The following PUM1 variants were observed in gnomAD, a reference collection of about 807,000 sequenced individuals.
PUM1 encodes the protein pumilio homolog 1.
A neutral mutation model predicts 131.8 loss-of-function variants in PUM1; 13 were observed. The ratio of observed to expected loss-of-function variants is 0.10; its 90% CI spans 0.06 to 0.16. The LOEUF (loss-of-function observed/expected upper bound fraction) is 0.16, where lower values mean the gene tolerates loss of function less well. Among genes scored for constraint, PUM1 ranks in the 10% least tolerant of loss-of-function variants. PUM1 has a pLI of 1.00. For missense variants in PUM1, 961 were observed against 1,512.4 expected (o/e 0.64, Z 6.05); for synonymous variants, 509 against 556.5 (o/e 0.91, Z 1.20).
intron 10 of PUM1, among the ~76,000 whole-genome samples, chr1:30,970,057 A>T (rs1640811737): frequency 6.6e-6 from 1 of 152,218 alleles, no homozygotes; most frequent in Admixed American, 6.5e-5. Flanking sequence ...CACAAGATCT[A>T]CACACTCCAG....
At chr1:31,008,330 C>G (rs1476682787) in intron 3 of PUM1, among the ~76,000 whole-genome samples, 1 of 151,718 alleles carries the variant, frequency 6.6e-6, no homozygotes, top group Non-Finnish European at 1.5e-5. Context: ...CTGCCTGGAC[C>G]AAAGCAGTTT....
chr1:30,941,429 GTTC>G (rs1028356462), intron 19 of PUM1, among the ~76,000 whole-genome samples, 157 bp from the exon 20 acceptor site: 10 of 152,208 alleles, frequency 6.6e-5, no homozygotes, highest in African/African-American at 2.4e-4. Context: ...AGGTAGTAAC[GTTC>G]TTCTCTATTA....
chr1:30,959,742 CA>C (rs1040309721), intron 14 of PUM1, among the ~76,000 whole-genome samples: 57 of 151,718 alleles, frequency 3.8e-4, no homozygotes, highest in Non-Finnish European at 7.5e-4. Context: ...CCCATCTCTA[CA>C]AAAAATACAA....
chr1:30,938,832 T>C (rs912428007), intron 20 of PUM1, among the ~76,000 whole-genome samples: 7 of 151,932 alleles, frequency 4.6e-5, no homozygotes, highest in Non-Finnish European at 8.8e-5. Flanking sequence ...GCCACCGTAC[T>C]CCAGCCTGGG....
At chr1:30,935,174 G>A (rs1376408525) in intron 21 of PUM1, among the ~76,000 whole-genome samples, 1 of 152,150 alleles carries the variant, frequency 6.6e-6, no homozygotes, top group African/African-American at 2.4e-5. Context: ...ACAATTATTT[G>A]AAATATACGT....
rs546504204 is a variant in PUM1, at chr1:30,980,237, C to T, written c.1253-74G>A. 2,003 of 1,141,416 alleles carry T rather than the reference C, an allele frequency of 1.8e-3. 7 individuals carry two copies. Among genetic ancestry groups the T allele is most frequent in the Non-Finnish European group, 1.8e-3 (1,359 of 767,148 alleles). The allele number at this position is 1,141,416 out of a possible 1,614,324, so 70.7% of individuals were successfully genotyped here. A position where few individuals can be genotyped will look rare whatever the true frequency, so the allele number is the denominator to read the frequency against. ...GCCCTATCAAATACCTACACAGTTT[C>T]GCTATTCACTCCAGACAGTAGATAA... is the stretch of plus-strand genomic sequence containing the variant. On this transcript the variant is annotated intron_variant, in intron 8 of 21. Coordinates refer to ENST00000426105, the MANE Select transcript of PUM1 (RefSeq NM_001020658.2).
intron 14 of PUM1, 70 bp downstream of exon 14, chr1:30,964,604 A>G: frequency 1.5e-6 from 2 of 1,375,276 alleles, no homozygotes; most frequent in South Asian, 1.2e-5. Context: ...GCTTATGCAA[A>G]GTTCTTGTAA....
At chr1:31,037,706 C>CA (rs940872678) in intron 2 of PUM1, among the ~76,000 whole-genome samples, 4 of 150,856 alleles carry the variant, frequency 2.7e-5, no homozygotes, top group Admixed American at 2.6e-4. Flanking sequence ...GATTCAGTCT[C>CA]AAAAAAAGAA....
intron 7 of PUM1, among the ~76,000 whole-genome samples, chr1:30,987,195 A>AT (rs35752234): frequency 0.2 from 28,153 of 140,874 alleles, 3,111 homozygotes; most frequent in East Asian, 0.51. Flanking sequence ...CTAGTAACAA[A>AT]TTTTTTTTTT....
At chr1:31,033,057 G>GA (rs201722845) in intron 2 of PUM1, among the ~76,000 whole-genome samples, 22,162 of 143,604 alleles carry the variant, frequency 0.15, 1,771 homozygotes, top group East Asian at 0.26. Flanking sequence ...TACAAAAAAA[G>GA]AAAAAAAAAA....
At chr1:30,982,484 A>T (rs1006987430) in intron 7 of PUM1, among the ~76,000 whole-genome samples, 3 of 152,234 alleles carry the variant, frequency 2.0e-5, no homozygotes, top group African/African-American at 7.2e-5. Flanking sequence ...TGTTTGCTAA[A>T]ATCAGACTGA....
intron 2 of PUM1, chr1:31,037,007 T>A (rs139211048): frequency 0.012 from 2,103 of 171,068 alleles, 24 homozygotes; most frequent in Non-Finnish European, 0.02. Context: ...CTTCACATAG[T>A]TTTTTGTGCT....
intron 7 of PUM1, among the ~76,000 whole-genome samples, chr1:30,986,212 C>A (rs1641553450): frequency 6.6e-6 from 1 of 152,150 alleles, no homozygotes; most frequent in South Asian, 2.1e-4. Flanking sequence ...GCCTCAGCCT[C>A]CCAAAGCGCT....
chr1:30,991,079 A>AG (rs1005670977), intron 7 of PUM1, among the ~76,000 whole-genome samples: 5 of 152,002 alleles, frequency 3.3e-5, no homozygotes, highest in African/African-American at 9.7e-5. Flanking sequence ...TTAAAAAAAA[A>AG]AGAGAGAACC....
chr1:31,047,266 C>T (rs1308876088), intron 2 of PUM1, among the ~76,000 whole-genome samples: 1 of 152,052 alleles, frequency 6.6e-6, no homozygotes, highest in Non-Finnish European at 1.5e-5. Context: ...AGCCACAGTG[C>T]TATTATGGCT....
intron 2 of PUM1, among the ~76,000 whole-genome samples, chr1:31,057,358 AT>A (rs1281046008): frequency 2.5e-5 from 2 of 78,708 alleles, no homozygotes; most frequent in Admixed American, 1.0e-4. Context: ...AGCCAATATC[AT>A]CATATCACCA....
At chr1:30,980,893 C>G (rs1226056643) in intron 8 of PUM1, among the ~76,000 whole-genome samples, 2 of 152,206 alleles carry the variant, frequency 1.3e-5, no homozygotes, top group East Asian at 3.9e-4. Flanking sequence ...TATGAGAATA[C>G]TTTTAAATTT....
At chr1:30,960,902 A>G in intron 14 of PUM1, among the ~76,000 whole-genome samples, 1 of 152,156 alleles carries the variant, frequency 6.6e-6, no homozygotes, top group East Asian at 1.9e-4. Context: ...GATTTCTTCG[A>G]TACTATTCCA....
In PUM1 at chr1:31,050,672, C is replaced by T. The variant is rs115326111; in HGVS notation, c.363+8532G>A. On this transcript the variant is annotated intron_variant, in intron 2 of 21. Coordinates refer to ENST00000426105, the MANE Select transcript of PUM1 (RefSeq NM_001020658.2). The stretch of plus-strand genomic sequence containing the variant: ...CTAGCACAAATGCTAAGGCAATCTA[C>T]CCAGGTAGACAAGATTCATTGTCTA... Among the ~76,000 whole-genome samples the T allele has an allele frequency of 5.2e-3, 794 of 152,258 alleles. 6 individuals are homozygous for T. The highest frequency in any genetic ancestry group is 0.018 in the African/African-American group (734 of 41,544).
Sources: gnomAD v4.1 joint callset for allele counts (sites outside exome capture counted in the v4.1 genomes callset) on GRCh38, gnomAD v4.1.1 for gene constraint, MANE v1.5 for transcripts, NCBI Gene and HGNC (gene_info 2026-07-23, HGNC 2026-07-21) for gene names.